The following ARID1B variants were observed in gnomAD, a reference collection of about 807,000 sequenced individuals.
ARID1B encodes AT-rich interaction domain 1B.
ARID1B carries 30 observed loss-of-function variants against 212.3 expected under a neutral mutation model. The observed-to-expected ratio is 0.14, with a 90% confidence interval of 0.11 to 0.19. The LOEUF (loss-of-function observed/expected upper bound fraction) is 0.19. Ranked by LOEUF, ARID1B falls within the 10% of genes least tolerant of loss-of-function variation. ARID1B has a pLI of 1.00. For missense variants in ARID1B, 2,891 were observed against 3,204.0 expected, an observed-to-expected ratio of 0.90 and a Z score of 2.36; for synonymous variants, 1,402 against 1,301.7, an observed-to-expected ratio of 1.08 and a Z score of -1.66.
chr6:157,102,498 C>A (rs1316336374), intron 5 of ARID1B, among the ~76,000 whole-genome samples: 1 of 151,980 alleles, frequency 6.6e-6, no homozygotes, highest in African/African-American at 2.4e-5. Flanking sequence ...ATTTATGAAG[C>A]CTTCCCCTTT....
intron 4 of ARID1B, among the ~76,000 whole-genome samples, chr6:156,981,516 T>C (rs1777603652): frequency 6.6e-6 from 1 of 152,208 alleles, no homozygotes; most frequent in Non-Finnish European, 1.5e-5. Context: ...TCTTTAGAAA[T>C]GTACATATAC....
chr6:156,886,470 G>C (rs934947660), intron 2 of ARID1B, among the ~76,000 whole-genome samples: 1 of 151,992 alleles, frequency 6.6e-6, no homozygotes, highest in African/African-American at 2.4e-5. Context: ...GTATCCTCTG[G>C]GCTCCCCATG....
intron 1 of ARID1B, 132 bp downstream of exon 1, chr6:156,779,603 T>C (rs2115011932): frequency 1.0e-6 from 1 of 965,510 alleles, no homozygotes; most frequent in Non-Finnish European, 1.3e-6. Flanking sequence ...CCCAAAGCCA[T>C]CTTGACGGGC....
chr6:157,105,761 C>T (rs1172453833), intron 5 of ARID1B, among the ~76,000 whole-genome samples: 2 of 152,190 alleles, frequency 1.3e-5, no homozygotes, highest in Admixed American at 1.3e-4. Flanking sequence ...ATCACCATAC[C>T]TGGCTAATTT....
intron 6 of ARID1B, chr6:157,119,504 C>G (rs539828993): frequency 6.5e-6 from 1 of 153,288 alleles, no homozygotes; most frequent in South Asian, 2.1e-4. Flanking sequence ...AAACTCTTCT[C>G]TCCAACTGGA....
Position 156,777,986 on chromosome 6 carries a change from C to T in ARID1B, c.306C>T (p.Gly102=), listed in dbSNP as rs1291573099. 8 of 1,531,016 alleles carry T rather than the reference C, an allele frequency of 5.2e-6. No homozygotes were observed. The highest frequency in any genetic ancestry group is 7.0e-6 in the Non-Finnish European group (8 of 1,144,798). The allele number at this position is 1,531,016 out of a possible 1,614,324, so 94.8% of individuals were successfully genotyped here. A position where few individuals can be genotyped will look rare whatever the true frequency, so the allele number is the denominator to read the frequency against. The part of the protein sequence containing the change: ...AAAGTHSAKS[G]GSEAALKEGG... ...CCGGCACCCACAGCGCCAAGAGCGGCGGCTCCGAGGCGGCTCTCAAGGAGG... is the reference window on the plus strand; with the variant it reads ...CCGGCACCCACAGCGCCAAGAGCGGTGGCTCCGAGGCGGCTCTCAAGGAGG... Residue 102 remains glycine, a synonymous_variant, in exon 1 of 20, where the codon GGC becomes GGT. Transcript: ENST00000636930.
chr6:157,082,173 C>T (rs115889647), intron 4 of ARID1B, among the ~76,000 whole-genome samples: 108 of 152,192 alleles, frequency 7.1e-4, no homozygotes, highest in African/African-American at 2.2e-3. Flanking sequence ...AAGCTTGTAC[C>T]AGTCATGATG....
At chr6:156,848,156 A>G (rs1784347674) in intron 2 of ARID1B, among the ~76,000 whole-genome samples, 1 of 152,252 alleles carries the variant, frequency 6.6e-6, no homozygotes. Context: ...ATTAATACTT[A>G]TGAACCCAGA....
At chr6:157,141,885 C>T (rs1321014431) in intron 7 of ARID1B, among the ~76,000 whole-genome samples, 23 of 152,202 alleles carry the variant, frequency 1.5e-4, no homozygotes, top group Admixed American at 1.5e-3. Flanking sequence ...TAAACACGTA[C>T]TTACCATACA....
At chr6:156,790,004 A>G (rs1190773673) in intron 1 of ARID1B, among the ~76,000 whole-genome samples, 1 of 152,254 alleles carries the variant, frequency 6.6e-6, no homozygotes, top group East Asian at 1.9e-4. Flanking sequence ...GTTACTTAGC[A>G]GCCTATCGGT....
chr6:156,805,760 G>C (rs770967600), intron 1 of ARID1B, among the ~76,000 whole-genome samples: 4 of 152,108 alleles, frequency 2.6e-5, no homozygotes, highest in Middle Eastern at 3.2e-3. Context: ...ACTGCAGCGT[G>C]TAACTCCTGG....
intron 8 of ARID1B, chr6:157,149,451 T>G (rs1451104811): frequency 6.5e-6 from 1 of 154,272 alleles, no homozygotes; most frequent in African/African-American, 2.4e-5. Flanking sequence ...TGTGTGAGAT[T>G]TATATACTTG....
At chr6:157,099,025 A>C (rs1220796445) in intron 5 of ARID1B, among the ~76,000 whole-genome samples, 1 of 152,146 alleles carries the variant, frequency 6.6e-6, no homozygotes, top group Non-Finnish European at 1.5e-5. Flanking sequence ...GCGCAGTGGC[A>C]TGATCTCAGA....
At chr6:157,167,710 A>G (rs1401368122) in intron 9 of ARID1B, 1 of 152,958 alleles carries the variant, frequency 6.5e-6, no homozygotes, top group East Asian at 1.9e-4. Context: ...CATGATGTTT[A>G]GTTATTTTAA....
In ARID1B at chr6:157,200,065, C is replaced by T. The variant is rs147981994; in HGVS notation, c.4480-640C>T. On this transcript the variant is annotated intron_variant, in intron 17 of 19. Transcript: ENST00000636930. The surrounding 1 kb of genome is among the most constrained non-coding windows in gnomAD (Gnocchi z 4.3). ...CCTCCCATCAGAGTCCCACCTACCC[C>T]GATTAAGCACTGGTCCCGGAGCATC... Among the ~76,000 whole-genome samples the T allele has an allele frequency of 0.01, 1,539 of 152,288 alleles. 7 individuals are homozygous for T. Among genetic ancestry groups the T allele is most frequent in the Non-Finnish European group, 0.014 (962 of 68,020 alleles).
intron 2 of ARID1B, among the ~76,000 whole-genome samples, chr6:156,900,567 C>G (rs1177280756): frequency 4.6e-5 from 7 of 152,130 alleles, no homozygotes; most frequent in Non-Finnish European, 1.0e-4. Context: ...GTCCTGATAT[C>G]TTGTTTTTCT....
At chr6:156,963,432 A>G (rs1032843876) in intron 4 of ARID1B, among the ~76,000 whole-genome samples, 1 of 152,170 alleles carries the variant, frequency 6.6e-6, no homozygotes, top group Non-Finnish European at 1.5e-5. Context: ...TTTATTATCT[A>G]CTTGGAAATT....
chr6:157,050,399 C>G (rs1183837948), intron 4 of ARID1B, among the ~76,000 whole-genome samples: 1 of 152,074 alleles, frequency 6.6e-6, no homozygotes, highest in Admixed American at 6.6e-5. Context: ...CAAAAATTAG[C>G]CAGGCGTGGT....
intron 4 of ARID1B, among the ~76,000 whole-genome samples, chr6:156,948,955 T>A (rs1793374279): frequency 6.6e-6 from 1 of 152,244 alleles, no homozygotes; most frequent in Admixed American, 6.5e-5. Context: ...CTTGTGGAAG[T>A]CTTGACTATT....
Sources: allele counts gnomAD v4.1 joint callset (sites outside exome capture counted in the v4.1 genomes callset), GRCh38; gene constraint gnomAD v4.1.1; non-coding constraint Gnocchi (gnomAD v3.1); transcripts MANE v1.5; gene names NCBI Gene and HGNC (gene_info 2026-07-23, HGNC 2026-07-21).